SNRPN: variants seen among roughly 807,000 people sequenced by gnomAD.
SNRPN encodes the protein small nuclear ribonucleoprotein-associated protein N.
Under a neutral mutation model 25.2 loss-of-function variants are expected in SNRPN, and 7 were observed. That is an observed-to-expected ratio of 0.28 (90% confidence interval 0.16 to 0.52). SNRPN has a LOEUF of 0.52. Among genes scored for constraint, SNRPN ranks in the 20% least tolerant of loss-of-function variants. SNRPN has a pLI of 0.96. For missense variants in SNRPN, 196 were observed against 322.5 expected (o/e 0.61, Z 3.00); for synonymous variants, 124 against 110.6 (o/e 1.12, Z -0.76).
In SNRPN at chr15:24,860,112, A is replaced by G. The variant is rs558467074; in HGVS notation, c.-579+3396A>G. On this transcript the variant is annotated intron_variant, in intron 1 of 11. Transcript: ENST00000400097. Reference sequence around the variant, plus strand: ...TCAAGATGGAGTTGCTCTGGTTCACATGCCTCTGACAGATGGACATTTGTT... The same window carrying G: ...TCAAGATGGAGTTGCTCTGGTTCACGTGCCTCTGACAGATGGACATTTGTT... Among the ~76,000 whole-genome samples the G allele has an allele frequency of 1.2e-3, 187 of 152,332 alleles. 1 individual carries two copies. Among genetic ancestry groups the G allele is most frequent in the African/African-American group, 4.3e-3 (179 of 41,570 alleles).
At chr15:24,834,617 A>G (rs2050850686) in intron 2 of SNRPN, among the ~76,000 whole-genome samples, 1 of 151,350 alleles carries the variant, frequency 6.6e-6, no homozygotes, top group African/African-American at 2.4e-5. Flanking sequence ...CTGTTGTCCT[A>G]GCTACTCTGC....
chr15:24,962,959 C>G (rs1050348339), intron 2 of SNRPN, among the ~76,000 whole-genome samples: 1 of 151,618 alleles, frequency 6.6e-6, no homozygotes, highest in Non-Finnish European at 1.5e-5. Context: ...TTTTGTAAAA[C>G]AGTTTTGCAT....
At chr15:24,930,113 C>T (rs533874821) in intron 3 of SNRPN, among the ~76,000 whole-genome samples, 160 of 150,706 alleles carry the variant, frequency 1.1e-3, no homozygotes, top group African/African-American at 3.5e-3. Context: ...CACTGCACTC[C>T]AGCCTGGGTG....
chr15:24,884,275 C>T (rs1466813825), intron 1 of SNRPN, among the ~76,000 whole-genome samples: 2 of 151,952 alleles, frequency 1.3e-5, no homozygotes, highest in Admixed American at 6.6e-5. Context: ...TCAAGGCTGC[C>T]GTGAGGCATG....
intron 3 of SNRPN, among the ~76,000 whole-genome samples, chr15:24,936,458 T>C (rs758179004): frequency 6.6e-6 from 1 of 152,106 alleles, no homozygotes; most frequent in African/African-American, 2.4e-5. Flanking sequence ...AAGGGCCTAG[T>C]GATAGTTAGG....
intron 1 of SNRPN, among the ~76,000 whole-genome samples, chr15:24,864,676 A>C (rs1251726293): frequency 6.6e-6 from 1 of 151,748 alleles, no homozygotes; most frequent in East Asian, 1.9e-4. Context: ...CTTTGTTTTT[A>C]ATAGATACAT....
chr15:24,883,747 C>T (rs1484909757), intron 1 of SNRPN, among the ~76,000 whole-genome samples: 1 of 152,130 alleles, frequency 6.6e-6, no homozygotes, highest in Non-Finnish European at 1.5e-5. Flanking sequence ...CACAGTGGCT[C>T]ATGCCTGTAA....
intron 2 of SNRPN, among the ~76,000 whole-genome samples, chr15:24,891,414 T>C (rs550533140): frequency 9.2e-5 from 14 of 151,910 alleles, no homozygotes; most frequent in African/African-American, 3.1e-4. Flanking sequence ...ATTAATTTGG[T>C]AGTATCATTG....
At position 24,836,569 on chromosome 15, in the gene SNRPN, A is replaced by G. The variant is rs559275550; in HGVS notation, c.-579+6664A>G. 3.3e-5 allele frequency among the ~76,000 whole-genome samples: 5 copies of G among 151,576 alleles called. No homozygotes were observed. The East Asian group carries it at 9.7e-4, about 30-fold the overall frequency. ...TGGGACTATAGGCGCCCACCACCAC[A>G]CCCAGCTAATTTGTGTATTTTTTAG... On this transcript the variant is annotated intron_variant, in intron 2 of 12. Coordinates refer to the SNRPN transcript ENST00000400100.
chr15:24,844,410 A>T lies in SNRPN; in HGVS notation c.-579+14505A>T, dbSNP rs116340365. Among the ~76,000 whole-genome samples the T allele has an allele frequency of 2.7e-3, 406 of 152,330 alleles. 4 individuals carry two copies. The highest frequency in any genetic ancestry group is 9.5e-3 in the African/African-American group (394 of 41,580). On this transcript the variant is annotated intron_variant, in intron 2 of 12. Transcript: ENST00000400100. ...TATGTATAATTTTGATATGACCTAC[A>T]TCTGTTAAGTACCGAAAATATTTTT...
intron 1 of SNRPN, among the ~76,000 whole-genome samples, chr15:24,956,329 G>A (rs2062868748): frequency 6.9e-6 from 1 of 144,312 alleles, no homozygotes; most frequent in East Asian, 2.2e-4. Flanking sequence ...CGCTGCAGCG[G>A]CTTAGATCTG....
chr15:24,902,917 C>A (rs2058560402), intron 2 of SNRPN, among the ~76,000 whole-genome samples: 1 of 152,212 alleles, frequency 6.6e-6, no homozygotes, highest in Non-Finnish European at 1.5e-5. Context: ...CCACTGCTGG[C>A]TCCGGTGGCC....
chr15:24,935,901 G>C (rs1276484617), intron 3 of SNRPN, among the ~76,000 whole-genome samples: 1 of 152,032 alleles, frequency 6.6e-6, no homozygotes, highest in African/African-American at 2.4e-5. Flanking sequence ...GGTGGATCAC[G>C]AGGTCAGTTC....
At chr15:24,842,244 A>G (rs540997591) in intron 2 of SNRPN, among the ~76,000 whole-genome samples, 3 of 151,266 alleles carry the variant, frequency 2.0e-5, no homozygotes, top group South Asian at 4.2e-4. Flanking sequence ...CACCACACAG[A>G]GGACAGCAAA....
At chr15:24,975,203 A>G (rs2076930990) in intron 4 of SNRPN, among the ~76,000 whole-genome samples, 155 bp from the exon 5 acceptor site, 1 of 152,220 alleles carries the variant, frequency 6.6e-6, no homozygotes. Context: ...AAAGAGCCAT[A>G]CTAAATATGG....
rs1000113433 is a variant in SNRPN at position 24,835,837 on chromosome 15, AT to A, written c.-579+5939del. On this transcript the variant is annotated intron_variant, in intron 2 of 12. Coordinates refer to the SNRPN transcript ENST00000400100. ...CAGGAAGTCAATTTCTTTTTTCTTT[AT>A]TTTTTTAAGAGAGACAGGGTCTCGC... 2.0e-5 allele frequency among the ~76,000 whole-genome samples: 3 copies of A among 151,858 alleles called. 1 individual carries two copies. Among genetic ancestry groups the A allele is most frequent in the African/African-American group, 7.3e-5 (3 of 41,288 alleles).
chr15:24,958,133 T>C (rs1463276885), intron 1 of SNRPN, among the ~76,000 whole-genome samples: 3 of 152,242 alleles, frequency 2.0e-5, no homozygotes, highest in Admixed American at 6.5e-5. Context: ...CGAAATGTTT[T>C]CCACATTTAT....
At chr15:24,951,049 A>C (rs779565342), upstream of SNRPN, among the ~76,000 whole-genome samples, 1 of 151,942 alleles carries the variant, frequency 6.6e-6, no homozygotes, top group Non-Finnish European at 1.5e-5. Flanking sequence ...TAGTAGAGAC[A>C]GAGTTTTACC....
intron 1 of SNRPN, among the ~76,000 whole-genome samples, chr15:24,885,716 CTGTGTGTGTG>C (rs58691279): frequency 1.6e-4 from 22 of 141,730 alleles, no homozygotes; most frequent in Non-Finnish European, 2.4e-4. Context: ...GAATCTGGGG[CTGTGTGTGTG>C]TGTGTGTGTG....
Sources: gnomAD v4.1 joint callset for allele counts (sites outside exome capture counted in the v4.1 genomes callset) on GRCh38, gnomAD v4.1.1 for gene constraint, MANE v1.5 for transcripts, NCBI Gene and HGNC (gene_info 2026-07-23, HGNC 2026-07-21) for gene names.